Variants in PRKG1 observed in about 807,000 individuals in gnomAD.
PRKG1 encodes protein kinase cGMP-dependent 1, also known as cGMP-dependent protein kinase 1.
Under a neutral mutation model 88.1 loss-of-function variants are expected in PRKG1, and 35 were observed. That is an observed-to-expected ratio of 0.40 (90% confidence interval 0.30 to 0.53). The LOEUF is 0.53. Ranked by LOEUF, PRKG1 falls within the 20% of genes least tolerant of loss-of-function variation. The pLI, the probability that PRKG1 is intolerant of heterozygous loss-of-function variation, is 0.59. For synonymous variants in PRKG1, 303 were observed against 292.5 expected, an observed-to-expected ratio of 1.04 and a Z score of -0.37; for missense variants, 540 against 839.8, an observed-to-expected ratio of 0.64 and a Z score of 4.41.
At chr10:51,476,759 G>C (rs868516875) in intron 3 of PRKG1, among the ~76,000 whole-genome samples, 1 of 151,890 alleles carries the variant, frequency 6.6e-6, no homozygotes, top group African/African-American at 2.4e-5. Context: ...CTATTCATTC[G>C]CTCTCATTCC....
rs1377584414 is a variant in PRKG1, at chr10:51,315,716, T to C, written c.479-152007T>C. ...GCCAATTTCAATATTTCTACTGTCC[T>C]AGAGGTTTTGCATAAATATGTGATA... is the stretch of plus-strand genomic sequence containing the variant. On this transcript the variant is annotated intron_variant, in intron 2 of 17. Coordinates refer to ENST00000373980, the MANE Select transcript of PRKG1 (RefSeq NM_006258.4). Among the ~76,000 whole-genome samples, 4 of 152,342 alleles carry C rather than the reference T, an allele frequency of 2.6e-5. No individual in the cohort carries two copies. In the East Asian group the frequency reaches 7.7e-4, roughly 29 times the overall value.
chr10:51,009,883 T>A (rs373909812), intron 1 of PRKG1, among the ~76,000 whole-genome samples: 17 of 152,346 alleles, frequency 1.1e-4, no homozygotes, highest in South Asian at 4.1e-4. Context: ...AGTATCATTC[T>A]CCATTCTCCT....
rs1260221679 is a variant in PRKG1, at chr10:51,598,296, G to A, written c.592+130460G>A. On this transcript the variant is annotated intron_variant, in intron 3 of 17. Coordinates refer to ENST00000373980, the MANE Select transcript of PRKG1 (RefSeq NM_006258.4). ...AAGCCTTTATTTTTTTCCTTTGAGA[G>A]AGAGTCTTGCTCTATCACCCAGGCT... Among the ~76,000 whole-genome samples, 9 of 151,988 alleles carry A rather than the reference G, an allele frequency of 5.9e-5. No individual in the cohort carries two copies. In the East Asian group the frequency reaches 1.7e-3, roughly 29 times the overall value.
chr10:51,537,852 C>A (rs1014432071), intron 3 of PRKG1, among the ~76,000 whole-genome samples: 2 of 151,812 alleles, frequency 1.3e-5, no homozygotes, highest in African/African-American at 4.8e-5. Flanking sequence ...ATATTTAAAT[C>A]TCTTCGGGTA....
At chr10:52,108,828 T>G (rs1318787176) in intron 7 of PRKG1, among the ~76,000 whole-genome samples, 1 of 132,552 alleles carries the variant, frequency 7.5e-6, no homozygotes, top group East Asian at 2.0e-4. Context: ...AGTATTCCTT[T>G]TTTTTTTTTT....
intron 3 of PRKG1, among the ~76,000 whole-genome samples, chr10:51,520,667 G>T (rs1245537394): frequency 1.3e-5 from 2 of 152,042 alleles, no homozygotes; most frequent in African/African-American, 4.8e-5. Context: ...CCAAAGAAAA[G>T]AAAGTTGGAA....
At chr10:51,354,881 T>G (rs1028012117) in intron 2 of PRKG1, among the ~76,000 whole-genome samples, 11 of 152,080 alleles carry the variant, frequency 7.2e-5, no homozygotes, top group African/African-American at 2.7e-4. Context: ...TAAGGGTCTT[T>G]CATCTGTGCT....
In PRKG1 at chr10:51,504,064, G is replaced by A. The variant is rs186573057; in HGVS notation, c.592+36228G>A. On this transcript the variant is annotated intron_variant, in intron 3 of 17. Transcript: ENST00000373980. ...AAGTTTATTTATTGGGATAATCACT[G>A]CTTTCTTATAAAGCGGAGCCCTGTT... Among the ~76,000 whole-genome samples, 17 of 152,262 alleles carry A rather than the reference G, an allele frequency of 1.1e-4. No individual in the cohort carries two copies. The East Asian group carries it at 3.1e-3, about 28-fold the overall frequency.
intron 3 of PRKG1, among the ~76,000 whole-genome samples, chr10:51,607,701 C>T (rs906096332): frequency 6.6e-6 from 1 of 152,166 alleles, no homozygotes; most frequent in Non-Finnish European, 1.5e-5. Flanking sequence ...GAGATAAGTG[C>T]CTATTATTCT....
chr10:51,401,665 A>G (rs17601717), intron 2 of PRKG1, among the ~76,000 whole-genome samples: 24,277 of 152,092 alleles, frequency 0.16, 2,553 homozygotes, highest in Non-Finnish European at 0.22. Context: ...CATTTAAAGA[A>G]GGCATCCTGA....
At chr10:51,987,040 T>C (rs1046155606) in intron 5 of PRKG1, among the ~76,000 whole-genome samples, 2 of 152,120 alleles carry the variant, frequency 1.3e-5, no homozygotes, top group Non-Finnish European at 2.9e-5. Context: ...TGAGTATATA[T>C]TTTTGATTGG....
intron 9 of PRKG1, among the ~76,000 whole-genome samples, chr10:52,240,006 T>C (rs1196337416): frequency 6.6e-6 from 1 of 152,180 alleles, no homozygotes; most frequent in African/African-American, 2.4e-5. Context: ...TGCAGAAACC[T>C]TAGCAATGTG....
intron 9 of PRKG1, among the ~76,000 whole-genome samples, chr10:52,186,873 C>T (rs1332774735): frequency 6.6e-6 from 1 of 152,120 alleles, no homozygotes; most frequent in African/African-American, 2.4e-5. Context: ...CCTCGACTTA[C>T]TATAATTTTA....
chr10:51,332,620 TAA>T (rs1841770147), intron 2 of PRKG1, among the ~76,000 whole-genome samples: 1 of 152,204 alleles, frequency 6.6e-6, no homozygotes, highest in Non-Finnish European at 1.5e-5. Flanking sequence ...AAGATGATGT[TAA>T]CCCAGTGACT....
At chr10:51,530,151 A>G (rs1054784255) in intron 3 of PRKG1, among the ~76,000 whole-genome samples, 3 of 152,164 alleles carry the variant, frequency 2.0e-5, no homozygotes, top group Non-Finnish European at 2.9e-5. Flanking sequence ...TTTAAGCTTT[A>G]TGTGTCCAGA....
chr10:51,440,193 G>T (rs1839059915), intron 2 of PRKG1, among the ~76,000 whole-genome samples: 3 of 142,328 alleles, frequency 2.1e-5, no homozygotes, highest in African/African-American at 7.4e-5. Context: ...TCCAAATAGT[G>T]CAGTTTGATT....
At chr10:51,782,903 G>T (rs1386727501) in intron 3 of PRKG1, among the ~76,000 whole-genome samples, 1 of 152,000 alleles carries the variant, frequency 6.6e-6, no homozygotes, top group African/African-American at 2.4e-5. Context: ...TTTATCAGTA[G>T]CGTGAAAATG....
chr10:52,280,689 A>G, intron 12 of PRKG1, 100 bp from the exon 13 acceptor site: 1 of 1,323,390 alleles, frequency 7.6e-7, no homozygotes. Context: ...CTCTGGGTTA[A>G]ATTTTGGCAA....
rs974714069 is a variant in PRKG1, at chr10:51,777,482, A to G, written c.593-27103A>G. 7.2e-5 allele frequency among the ~76,000 whole-genome samples: 11 copies of G among 152,008 alleles called. 1 individual carries two copies. Among genetic ancestry groups the G allele is most frequent in the African/African-American group, 2.7e-4 (11 of 41,394 alleles). On this transcript the variant is annotated intron_variant, in intron 3 of 17. Transcript: ENST00000373980. ...CTTTATTTTTTAGGGTAGTTCTATT[A>G]ATTGTTTCACAGCAAAGGAATGTGC...
Sources: allele counts gnomAD v4.1 joint callset (sites outside exome capture counted in the v4.1 genomes callset), GRCh38; gene constraint gnomAD v4.1.1; transcripts MANE v1.5; gene names NCBI Gene and HGNC (gene_info 2026-07-23, HGNC 2026-07-21).